Variants in CHPT1 observed in about 807,000 individuals in gnomAD.
CHPT1 encodes the protein choline phosphotransferase 1.
CHPT1 carries 36 observed loss-of-function variants against 47.6 expected under a neutral mutation model. The ratio of observed to expected loss-of-function variants is 0.76; its 90% confidence interval spans 0.58 to 1.00. CHPT1 has a LOEUF of 1.00. CHPT1 is among the 50% of genes least tolerant of loss of function. The pLI is 0.00. For synonymous variants in CHPT1, 194 were observed against 186.3 expected, an observed-to-expected ratio of 1.04 and a Z score of -0.33; for missense variants, 458 against 498.1, an observed-to-expected ratio of 0.92 and a Z score of 0.77.
chr12:101,700,241 A>C (rs1336352471), intron 1 of CHPT1, among the ~76,000 whole-genome samples: 3 of 150,988 alleles, frequency 2.0e-5, no homozygotes, highest in African/African-American at 7.3e-5. Context: ...AAAAGTCAAG[A>C]GCTTCTGCCT....
chr12:101,719,955 T>TAAAA (rs373091905), intron 4 of CHPT1, 168 bp from the exon 5 acceptor site: 1 of 300,860 alleles, frequency 3.3e-6, no homozygotes, highest in Non-Finnish European at 4.9e-6. Context: ...AAAAAAAAGT[T>TAAAA]AAAAAAAAGT....
rs771635194 is a variant in CHPT1 at position 101,698,074 on chromosome 12, C to T, written c.213C>T (p.Leu71=). 1 of 1,568,134 alleles carries T rather than the reference C, an allele frequency of 6.4e-7. No homozygotes were observed. Among genetic ancestry groups the T allele is most frequent in the Non-Finnish European group, 8.6e-7 (1 of 1,165,428 alleles). ...MAPNSITLLG[L]AVNVVTTLVL... is the part of the protein sequence containing the mutation. Reference sequence around the variant, plus strand: ...CCAACTCCATCACCCTGCTGGGGCTCGCCGTCAACGTGGTCACCACGCTCG... The same window carrying T: ...CCAACTCCATCACCCTGCTGGGGCTTGCCGTCAACGTGGTCACCACGCTCG... The change falls in exon 1 of 9, where the codon CTC becomes CTT. Residue 71 remains leucine (L), a synonymous_variant. Coordinates refer to ENST00000229266, the MANE Select transcript of CHPT1 (RefSeq NM_020244.3).
intron 1 of CHPT1, among the ~76,000 whole-genome samples, chr12:101,700,323 GAA>G (rs5800482): frequency 1.4e-3 from 187 of 132,662 alleles, no homozygotes; most frequent in Middle Eastern, 3.9e-3. Context: ...AGCCTCATGT[GAA>G]AAAAAAAAAA....
chr12:101,719,895 A>G, intron 4 of CHPT1: 1 of 242,728 alleles, frequency 4.1e-6, no homozygotes, highest in Non-Finnish European at 7.7e-6. Flanking sequence ...TTCCCCCCTC[A>G]CTACTGTACT....
chr12:101,703,724 T>A (rs1246566769), intron 1 of CHPT1, among the ~76,000 whole-genome samples: 1 of 152,130 alleles, frequency 6.6e-6, no homozygotes, highest in Non-Finnish European at 1.5e-5. Context: ...CATCACAGGC[T>A]CCCAGTAAAC....
intron 7 of CHPT1, among the ~76,000 whole-genome samples, chr12:101,724,150 C>A (rs191278332): frequency 0.011 from 1,652 of 148,490 alleles, 20 homozygotes; most frequent in Non-Finnish European, 0.014. Context: ...ACCTGGGAGG[C>A]AGAGGTTGCG....
chr12:101,704,284 T>C (rs1245893285), intron 1 of CHPT1, among the ~76,000 whole-genome samples: 1 of 152,116 alleles, frequency 6.6e-6, no homozygotes, highest in Non-Finnish European at 1.5e-5. Context: ...TTATATATTA[T>C]CTATACTTGC....
chr12:101,709,497 T>C (rs1739241050), intron 1 of CHPT1, among the ~76,000 whole-genome samples: 1 of 147,996 alleles, frequency 6.8e-6, no homozygotes. Flanking sequence ...TCCCAGCCTG[T>C]TTGCAGGGAT....
intron 6 of CHPT1, 97 bp from the exon 7 acceptor site, chr12:101,723,625 T>C (rs1951894872): frequency 4.0e-6 from 3 of 753,432 alleles, no homozygotes; most frequent in Non-Finnish European, 4.0e-6. Context: ...TTAAATGGTC[T>C]GTTTTAATAC....
At chr12:101,709,253 C>T (rs1399379570) in intron 1 of CHPT1, among the ~76,000 whole-genome samples, 1 of 147,052 alleles carries the variant, frequency 6.8e-6, no homozygotes, top group Non-Finnish European at 1.5e-5. Flanking sequence ...AAAAATTAAC[C>T]AGGCATGGTG....
At chr12:101,728,688 G>A (rs1952040483) in intron 8 of CHPT1, 2 of 534,892 alleles carry the variant, frequency 3.7e-6, no homozygotes, top group Non-Finnish European at 6.4e-6. Flanking sequence ...GTGTTAGAGA[G>A]AAAAATTCAC....
At chr12:101,700,242 G>A (rs1951533213) in intron 1 of CHPT1, among the ~76,000 whole-genome samples, 1 of 150,842 alleles carries the variant, frequency 6.6e-6, no homozygotes, top group African/African-American at 2.4e-5. Flanking sequence ...AAAGTCAAGA[G>A]CTTCTGCCTA....
chr12:101,728,846 T>G, intron 8 of CHPT1, 55 bp from the exon 9 acceptor site: 1 of 1,594,856 alleles, frequency 6.3e-7, no homozygotes, highest in African/African-American at 1.3e-5. Flanking sequence ...TAAACTATTC[T>G]AAAGACTTAC....
At chr12:101,725,441 T>G (rs56066880) in intron 7 of CHPT1, among the ~76,000 whole-genome samples, 4,653 of 152,258 alleles carry the variant, frequency 0.031, 236 homozygotes, top group African/African-American at 0.11. Context: ...AAACTCAATG[T>G]AAGTTTTCTT....
rs1951897434 is a variant in CHPT1, at chr12:101,723,732, T to A, written c.950T>A (p.Met317Lys). The A allele has an allele frequency of 6.4e-7, 1 of 1,557,066 alleles. No homozygotes were observed. The change falls in exon 7 of 9, where the codon ATG becomes AAG. Residue 317 changes from methionine to lysine, a missense_variant. Met to Lys is a moderately conservative substitution (Grantham distance 95, BLOSUM62 -1). Coordinates refer to ENST00000229266, the MANE Select transcript of CHPT1 (RefSeq NM_020244.3). ...TTAATTTTTTTATAGGTAGCTCACATGACCAAAAGTGAACTATATCTTCAA... is the reference window on the plus strand; with the variant it reads ...TTAATTTTTTTATAGGTAGCTCACAAGACCAAAAGTGAACTATATCTTCAA... ...KVSQKLVVAH[M>K]TKSELYLQDT...
At chr12:101,718,678 A>G (rs1217306529) in intron 4 of CHPT1, among the ~76,000 whole-genome samples, 1 of 151,948 alleles carries the variant, frequency 6.6e-6, no homozygotes, top group Non-Finnish European at 1.5e-5. Flanking sequence ...AAAAAAAAAA[A>G]AAAAGATTTC....
At chr12:101,710,174 G>A (rs1951686575) in intron 1 of CHPT1, among the ~76,000 whole-genome samples, 1 of 148,078 alleles carries the variant, frequency 6.8e-6, no homozygotes, top group African/African-American at 2.4e-5. Flanking sequence ...GCAAAACCCT[G>A]TCTCTACCAA....
intron 7 of CHPT1, 28 bp downstream of exon 7, chr12:101,723,875 T>C: frequency 6.9e-7 from 1 of 1,447,952 alleles, no homozygotes; most frequent in South Asian, 1.2e-5. Context: ...TTTTATTTAT[T>C]TTTTAACAAT....
At position 101,714,178 on chromosome 12, in the gene CHPT1, C is replaced by T. The variant is rs1383230591; in HGVS notation, c.362C>T (p.Thr121Ile). The T allele has an allele frequency of 6.2e-7, 1 of 1,613,124 alleles. No homozygotes were observed. Among genetic ancestry groups the T allele is most frequent in the African/African-American group, 1.3e-5 (1 of 74,900 alleles). ...ATTGATGGGAAACAAGCCAGAAGAA[C>T]AAACTCTTGTTCCCCTTTAGGGGAG... ...DAIDGKQARR[T>I]NSCSPLGELF... Residue 121 changes from threonine (T) to isoleucine (I), a missense_variant, in exon 2 of 9, where the codon ACA becomes ATA. Transcript: ENST00000229266.
Sources: gnomAD v4.1 joint callset for allele counts (sites outside exome capture counted in the v4.1 genomes callset) on GRCh38, gnomAD v4.1.1 for gene constraint, MANE v1.5 for transcripts, NCBI Gene and HGNC (gene_info 2026-07-23, HGNC 2026-07-21) for gene names.